Variants in ANK1 observed in about 807,000 individuals in gnomAD.
ANK1 encodes ankyrin 1, also known as ankyrin-1.
In ANK1, 51 loss-of-function variants were observed where a neutral mutation model predicts 210.4. The ratio of observed to expected loss-of-function variants is 0.24; its 90% CI spans 0.19 to 0.31. The LOEUF (loss-of-function observed/expected upper bound fraction) is 0.31. Among genes scored for constraint, ANK1 ranks in the 10% least tolerant of loss-of-function variants. The pLI is 1.00. For synonymous variants in ANK1, 967 were observed against 1,025.9 expected, an observed-to-expected ratio of 0.94 and a Z score of 1.10; for missense variants, 2,051 against 2,504.4, an observed-to-expected ratio of 0.82 and a Z score of 3.86.
chr8:41,678,489 G>A (rs1255567570), intron 37 of ANK1, among the ~76,000 whole-genome samples: 1 of 152,188 alleles, frequency 6.6e-6, no homozygotes, highest in Non-Finnish European at 1.5e-5. Flanking sequence ...GTTGGGAACT[G>A]TAATTTCACA....
intron 1 of ANK1, among the ~76,000 whole-genome samples, chr8:41,865,181 C>T (rs6981637): frequency 0.42 from 64,421 of 151,982 alleles, 14,157 homozygotes; most frequent in African/African-American, 0.55. Flanking sequence ...ACCCATCTCG[C>T]GAATTGGGAT....
chr8:41,785,915 C>T (rs1293967776), intron 1 of ANK1, among the ~76,000 whole-genome samples: 1 of 152,218 alleles, frequency 6.6e-6, no homozygotes, highest in Non-Finnish European at 1.5e-5. Flanking sequence ...GCTTTCCGCA[C>T]TGTCGGGCAG....
chr8:41,722,233 G>A (rs925901644), intron 9 of ANK1, among the ~76,000 whole-genome samples: 1 of 152,304 alleles, frequency 6.6e-6, no homozygotes, highest in South Asian at 2.1e-4. Context: ...TTTAGTAGAG[G>A]ACACCCTCAT....
chr8:41,702,029 G>A (rs749540881), intron 21 of ANK1, 23 bp downstream of exon 21: 3 of 1,603,242 alleles, frequency 1.9e-6, no homozygotes, highest in South Asian at 2.2e-5. Flanking sequence ...TCTGGGGTGG[G>A]TGCGGGGGAG....
At chr8:41,807,990 G>T (rs1851218812) in intron 1 of ANK1, among the ~76,000 whole-genome samples, 1 of 151,806 alleles carries the variant, frequency 6.6e-6, no homozygotes, top group Non-Finnish European at 1.5e-5. Context: ...AGGAAGAAGA[G>T]AGGATGATGA....
chr8:41,704,912 G>A lies in ANK1; in HGVS notation c.2098-440C>T, dbSNP rs1160191398. The stretch of plus-strand genomic sequence containing the variant: ...AGAAACAGCCTTCAGGCCTGGGAAG[G>A]GTGCTGAGATGAGGGCAGATGGGGA... On this transcript the variant is annotated intron_variant, in intron 18 of 42. Coordinates refer to ENST00000289734, the MANE Select transcript of ANK1 (RefSeq NM_000037.4). This position sits in a 1 kb window ranked among gnomAD's most constrained non-coding sequence, Gnocchi z 4.1. 6.6e-6 allele frequency among the ~76,000 whole-genome samples: 1 copy of A among 152,168 alleles called. No individual in the cohort carries two copies. Among genetic ancestry groups the A allele is most frequent in the Non-Finnish European group, 1.5e-5 (1 of 68,034 alleles).
At position 41,724,507 on chromosome 8, in the gene ANK1, G is replaced by C. The variant is rs773555671; in HGVS notation, c.660C>G (p.Asn220Lys). The C allele has an allele frequency of 3.7e-6, 6 of 1,602,772 alleles. No individual in the cohort carries two copies. In the South Asian group the frequency reaches 5.6e-5, roughly 15 times the overall value. Reference sequence around the variant, plus strand: ...CTCTGTTGAGGAGCAACTGGGCCACGTTGAGGTTCTCGTAGTGAGCCGCAA... The same window carrying C: ...CTCTGTTGAGGAGCAACTGGGCCACCTTGAGGTTCTCGTAGTGAGCCGCAA... ...LHIAAHYENLNVAQLLLNRGA... is the reference protein window; with the variant it reads ...LHIAAHYENLKVAQLLLNRGA... Residue 220 changes from asparagine to lysine, a missense_variant, in exon 7 of 43, where the codon AAC (asparagine) becomes AAG (lysine). Asn to Lys is a moderately conservative substitution (Grantham distance 94, BLOSUM62 0). Transcript: ENST00000289734.
At chr8:41,837,018 T>C (rs537571064) in intron 1 of ANK1, among the ~76,000 whole-genome samples, 13 of 152,020 alleles carry the variant, frequency 8.6e-5, no homozygotes, top group Non-Finnish European at 1.8e-4. Context: ...AGCAGTTGTG[T>C]GACGTCCCCC....
intron 37 of ANK1, among the ~76,000 whole-genome samples, chr8:41,679,467 T>A (rs1300525227): frequency 2.0e-5 from 3 of 151,582 alleles, no homozygotes; most frequent in Admixed American, 1.3e-4. Context: ...CTGAAACTTG[T>A]GGGGGACTCC....
intron 1 of ANK1, among the ~76,000 whole-genome samples, chr8:41,846,767 G>A (rs778598449): frequency 1.3e-5 from 2 of 152,116 alleles, no homozygotes; most frequent in African/African-American, 2.4e-5. Context: ...GATACCCTAC[G>A]GCCCTCATCT....
At chr8:41,696,817 C>G in intron 24 of ANK1, 44 bp from the exon 25 acceptor site, 1 of 1,551,968 alleles carries the variant, frequency 6.4e-7, no homozygotes, top group Non-Finnish European at 8.8e-7. Context: ...TCCTCCCGGG[C>G]CAGCTGGATG....
At chr8:41,803,110 A>G (rs376827991) in intron 1 of ANK1, among the ~76,000 whole-genome samples, 21 of 143,370 alleles carry the variant, frequency 1.5e-4, no homozygotes, top group African/African-American at 4.6e-4. Context: ...AAAGGAAAGG[A>G]AAGGAAAGGA....
chr8:41,657,378 T>C (rs928930974), intron 42 of ANK1, among the ~76,000 whole-genome samples: 1 of 152,192 alleles, frequency 6.6e-6, no homozygotes. Flanking sequence ...GGCCTACCCA[T>C]TAGAGAGGTG....
At chr8:41,733,509 A>G (rs1385815005) in intron 3 of ANK1, among the ~76,000 whole-genome samples, 2 of 152,244 alleles carry the variant, frequency 1.3e-5, no homozygotes, top group African/African-American at 4.8e-5. Flanking sequence ...CATTTGATGT[A>G]TGCCATCTCA....
At chr8:41,823,757 C>A (rs1289855248) in intron 1 of ANK1, among the ~76,000 whole-genome samples, 1 of 152,092 alleles carries the variant, frequency 6.6e-6, no homozygotes, top group Non-Finnish European at 1.5e-5. Flanking sequence ...GAGCAAGACC[C>A]TGTCTGAAAA....
At chr8:41,888,292 C>T (rs941206004) in intron 1 of ANK1, among the ~76,000 whole-genome samples, 3 of 152,208 alleles carry the variant, frequency 2.0e-5, no homozygotes, top group Admixed American at 1.3e-4. Context: ...CAAGAAGGGG[C>T]CCCTGTTGGC....
chr8:41,701,944 C>A, intron 21 of ANK1, 108 bp downstream of exon 21: 1 of 1,221,274 alleles, frequency 8.2e-7, no homozygotes. Context: ...CGCCTCCGAC[C>A]CGCGTCCCGG....
chr8:41,694,533 T>C lies in ANK1; in HGVS notation c.3327+59A>G, dbSNP rs571305387. 6.5e-7 allele frequency: 1 copy of C among 1,535,884 alleles called. No individual in the cohort carries two copies. The highest frequency in any genetic ancestry group is 2.3e-5 in the East Asian group (1 of 43,016). ...GGATGTCCTGGGGAAGAGGGTGGCC[T>C]TCCCGGAGGCCTGGAGTTCAGTCCA... On this transcript the variant is annotated intron_variant, in intron 28 of 42. Coordinates refer to ENST00000289734, the MANE Select transcript of ANK1 (RefSeq NM_000037.4). This position sits in a 1 kb window ranked among gnomAD's most constrained non-coding sequence, Gnocchi z 5.7.
At chr8:41,797,628 G>A, upstream of ANK1, 4 of 1,588,896 alleles carry the variant, frequency 2.5e-6, no homozygotes, top group South Asian at 4.5e-5. This position sits in a 1 kb window ranked among gnomAD's most constrained non-coding sequence, Gnocchi z 4.0. Flanking sequence ...CCTCTGCGGG[G>A]CCTGTGACGT....
Sources: gnomAD v4.1 joint callset for allele counts (sites outside exome capture counted in the v4.1 genomes callset) on GRCh38, gnomAD v4.1.1 for gene constraint, Gnocchi (gnomAD v3.1) non-coding constraint, MANE v1.5 for transcripts, NCBI Gene and HGNC (gene_info 2026-07-23, HGNC 2026-07-21) for gene names.